Variants in RNF24 observed in about 807,000 individuals in gnomAD.
The protein encoded by RNF24 is ring finger protein 24.
A neutral mutation model predicts 20.0 loss-of-function variants in RNF24; 14 were observed. The ratio of observed to expected loss-of-function variants is 0.70; its 90% CI spans 0.46 to 1.10. The LOEUF is 1.10. Among genes scored for constraint, RNF24 ranks in the 50% least tolerant of loss-of-function variants. The pLI is 0.00. For missense variants in RNF24, 124 were observed against 177.6 expected (o/e 0.70, Z 1.71); for synonymous variants, 45 against 61.1 (o/e 0.74, Z 1.23).
rs1600614974 is a variant in RNF24, at chr20:3,933,967, T to G, written c.*96A>C. ...ATGAGGCAAAAGAAGTGGCAGCTGG[T>G]GTCCTAGGTAGAGAGCAGCCATACA... On this transcript the variant is annotated 3_prime_UTR_variant, in exon 6 of 6. Coordinates refer to ENST00000358395, the MANE Select transcript of RNF24 (RefSeq NM_001134337.3). 1.7e-6 allele frequency: 2 copies of G among 1,198,518 alleles called. No individual in the cohort carries two copies. Among genetic ancestry groups the G allele is most frequent in the Non-Finnish European group, 1.1e-6 (1 of 914,466 alleles). 74.2% of individuals were successfully genotyped at this position (1,198,518 alleles called of 1,614,324 possible). A position where few individuals can be genotyped will look rare whatever the true frequency, so the allele number is the denominator to read the frequency against.
chr20:4,007,801 A>G (rs1022930117), intron 1 of RNF24, among the ~76,000 whole-genome samples: 1 of 151,308 alleles, frequency 6.6e-6, no homozygotes, highest in Non-Finnish European at 1.5e-5. Context: ...CTGTGGTCGC[A>G]GCTACTTGGG....
At chr20:3,949,374 T>C (rs1017819983) in intron 2 of RNF24, among the ~76,000 whole-genome samples, 2 of 147,586 alleles carry the variant, frequency 1.4e-5, no homozygotes, top group South Asian at 4.3e-4. Flanking sequence ...AGTGAGACTT[T>C]GTCTTGAAAA....
chr20:3,941,781 A>G (rs1174300767), intron 4 of RNF24, among the ~76,000 whole-genome samples: 1 of 152,228 alleles, frequency 6.6e-6, no homozygotes, highest in African/African-American at 2.4e-5. Context: ...TAGATTGAAA[A>G]TAAAAAGATG....
At position 3,932,112 on chromosome 20, in the gene RNF24, C is replaced by T. The variant is rs2090831513; in HGVS notation, c.*1951G>A. The T allele has an allele frequency of 6.6e-6, 1 of 152,194 alleles. No individual in the cohort carries two copies. Among genetic ancestry groups the T allele is most frequent in the Non-Finnish European group, 1.5e-5 (1 of 68,038 alleles). 9.4% of individuals were successfully genotyped at this position (152,194 alleles called of 1,614,324 possible). ...TAGAGCCCCATAACAGAGGTGACAT[C>T]TGTCCCAAGGCCATTCCATGGAAAA... On this transcript the variant is annotated 3_prime_UTR_variant, in exon 6 of 6. Coordinates refer to ENST00000358395, the MANE Select transcript of RNF24 (RefSeq NM_001134337.3).
At chr20:4,009,246 C>G (rs917192904) in intron 1 of RNF24, among the ~76,000 whole-genome samples, 2 of 152,166 alleles carry the variant, frequency 1.3e-5, no homozygotes, top group African/African-American at 4.8e-5. Context: ...TTTTGAGAGA[C>G]TTAACCATGT....
intron 1 of RNF24, among the ~76,000 whole-genome samples, chr20:3,995,993 G>A (rs371743550): frequency 5.1e-4 from 77 of 152,132 alleles, no homozygotes; most frequent in African/African-American, 1.8e-3. Flanking sequence ...CACACAAAGC[G>A]CTATTATTCT....
At chr20:3,973,256 T>C (rs1459580997) in intron 1 of RNF24, among the ~76,000 whole-genome samples, 3 of 150,478 alleles carry the variant, frequency 2.0e-5, no homozygotes, top group East Asian at 3.9e-4. Context: ...TTGAGAGACA[T>C]AGGTAAAGTA....
rs138111893 is a variant in RNF24 at position 3,948,516 on chromosome 20, G to A, written c.144-237C>T. Among the ~76,000 whole-genome samples the A allele has an allele frequency of 5.0e-3, 753 of 151,900 alleles. 9 individuals carry two copies. Among genetic ancestry groups the A allele is most frequent in the African/African-American group, 0.017 (705 of 41,406 alleles). On this transcript the variant is annotated intron_variant, in intron 2 of 5. Transcript: ENST00000358395. ...AAGATGACTCAATTCTTTTTATACC[G>A]ACAGTCTACTTATTTCAATAATATT... is the stretch of plus-strand genomic sequence containing the variant.
chr20:3,943,930 C>A (rs1376128229), intron 4 of RNF24, among the ~76,000 whole-genome samples: 1 of 152,142 alleles, frequency 6.6e-6, no homozygotes, highest in Non-Finnish European at 1.5e-5. Flanking sequence ...CAAACAGTGG[C>A]CGGCTGCCGT....
intron 1 of RNF24, among the ~76,000 whole-genome samples, chr20:4,008,477 TATATA>T (rs550946095): frequency 5.4e-4 from 62 of 114,806 alleles, no homozygotes; most frequent in East Asian, 3.9e-3. Flanking sequence ...ATATGTATAA[TATATA>T]ATATAATATA....
chr20:3,997,108 C>A (rs1044260258), intron 1 of RNF24, among the ~76,000 whole-genome samples: 12 of 151,576 alleles, frequency 7.9e-5, no homozygotes, highest in South Asian at 2.1e-4. Context: ...TGCCTGTAGT[C>A]CCAGCTACTC....
Position 3,933,227 on chromosome 20 carries a change from G to C in RNF24, c.*836C>G, listed in dbSNP as rs555252043. ...AAGCCACTGCTCTTTGGAGCCACTC[G>C]AGAGGTTCACAGTGGCTCCCTTCTG... On this transcript the variant is annotated 3_prime_UTR_variant, in exon 6 of 6. Coordinates refer to ENST00000358395, the MANE Select transcript of RNF24 (RefSeq NM_001134337.3). 4.3e-5 allele frequency: 17 copies of C among 398,496 alleles called. No homozygotes were observed. The East Asian group carries it at 5.0e-4, about 12-fold the overall frequency. 24.7% of individuals were successfully genotyped at this position (398,496 alleles called of 1,614,324 possible). A position where few individuals can be genotyped will look rare whatever the true frequency, so the allele number is the denominator to read the frequency against.
chr20:3,937,984 TTGC>T (rs2090912018), intron 4 of RNF24, among the ~76,000 whole-genome samples: 1 of 152,208 alleles, frequency 6.6e-6, no homozygotes, highest in South Asian at 2.1e-4. Context: ...AGGAGTGGAA[TTGC>T]TGGGTCATAT....
At chr20:4,015,342 TCTC>T (rs1442895200) in intron 1 of RNF24, 92 bp downstream of exon 1, 1 of 151,552 alleles carries the variant, frequency 6.6e-6, no homozygotes, top group Non-Finnish European at 1.5e-5. Flanking sequence ...GGGCCCGCGG[TCTC>T]CTCAGCATCC....
chr20:3,977,842 CG>C (rs1979010928), intron 1 of RNF24, among the ~76,000 whole-genome samples: 1 of 139,254 alleles, frequency 7.2e-6, no homozygotes, highest in Non-Finnish European at 1.5e-5. Context: ...CCAGCCTGGG[CG>C]ACACAGCGAG....
intron 2 of RNF24, among the ~76,000 whole-genome samples, chr20:3,951,424 C>G (rs113148131): frequency 0.014 from 2,073 of 152,176 alleles, 61 homozygotes; most frequent in African/African-American, 0.048. Context: ...GAGGGAGACA[C>G]GCTGAAATTA....
At chr20:3,945,310 T>C in intron 3 of RNF24, 92 bp from the exon 4 acceptor site, 1 of 1,210,736 alleles carries the variant, frequency 8.3e-7, no homozygotes. Flanking sequence ...CTTTTGTATA[T>C]ATGGCTCATT....
intron 1 of RNF24, among the ~76,000 whole-genome samples, chr20:3,993,370 C>T (rs541295873): frequency 1.3e-5 from 2 of 152,096 alleles, no homozygotes; most frequent in Non-Finnish European, 2.9e-5. Flanking sequence ...TCACTGCAAC[C>T]TCCACCTCCC....
intron 1 of RNF24, among the ~76,000 whole-genome samples, chr20:3,966,104 T>C (rs1348768422): frequency 1.5e-5 from 2 of 132,976 alleles, no homozygotes; most frequent in African/African-American, 5.9e-5. Context: ...CACTGCACTC[T>C]ACCTGGGTGA....
Sources: allele counts gnomAD v4.1 joint callset (sites outside exome capture counted in the v4.1 genomes callset), GRCh38; gene constraint gnomAD v4.1.1; transcripts MANE v1.5; gene names NCBI Gene and HGNC (gene_info 2026-07-23, HGNC 2026-07-21).